Variants in TMEM51 observed in about 807,000 individuals in gnomAD.
The protein encoded by TMEM51 is transmembrane protein 51.
In TMEM51, 8 loss-of-function variants were observed where a neutral mutation model predicts 13.6. That is an observed-to-expected ratio of 0.59 (90% confidence interval 0.35 to 1.07). TMEM51 has a LOEUF of 1.07. TMEM51 is among the 50% of genes least tolerant of loss of function. The pLI is 0.02. For synonymous variants in TMEM51, 147 were observed against 144.4 expected, an observed-to-expected ratio of 1.02 and a Z score of -0.13; for missense variants, 279 against 330.7, an observed-to-expected ratio of 0.84 and a Z score of 1.21.
intron 1 of TMEM51, among the ~76,000 whole-genome samples, chr1:15,203,803 G>A (rs1457562438): frequency 1.3e-5 from 2 of 152,152 alleles, no homozygotes; most frequent in East Asian, 1.9e-4. Context: ...TAAACCCAGT[G>A]AGGTAGATCC....
At chr1:15,197,334 C>T (rs541805388) in intron 1 of TMEM51, among the ~76,000 whole-genome samples, 25 of 152,240 alleles carry the variant, frequency 1.6e-4, no homozygotes, top group Admixed American at 1.3e-3. Context: ...GGCACTGTTC[C>T]CAGCAGGTTA....
intron 1 of TMEM51, among the ~76,000 whole-genome samples, chr1:15,179,506 G>A (rs185456258): frequency 1.3e-5 from 2 of 152,330 alleles, no homozygotes; most frequent in East Asian, 3.9e-4. Context: ...ACTTTTGGCC[G>A]GTGCAATAGC....
chr1:15,197,683 G>A lies in TMEM51; in HGVS notation c.-266-12807G>A, dbSNP rs528881743. Among the ~76,000 whole-genome samples, 5 of 152,108 alleles carry A rather than the reference G, an allele frequency of 3.3e-5. No homozygotes were observed. In the East Asian group the frequency reaches 7.7e-4, roughly 24 times the overall value. ...GCTCTGTGTACTCTCTTGTCGGGAT[G>A]GTATCATTGTTGCCATTTTACAGAT... On this transcript the variant is annotated intron_variant, in intron 1 of 3. Coordinates refer to ENST00000376008, the MANE Select transcript of TMEM51 (RefSeq NM_001136218.2).
rs1643715745 is a variant in TMEM51 at position 15,184,584 on chromosome 1, A to G, written c.-266-25906A>G. On this transcript the variant is annotated intron_variant, in intron 1 of 3. Coordinates refer to ENST00000376008, the MANE Select transcript of TMEM51 (RefSeq NM_001136218.2). The stretch of plus-strand genomic sequence containing the variant: ...CTAGGGCCAGGGCAGCTGCAGAGAG[A>G]CCAGGTTGGAAACTGATATCGTTGT... 2.6e-5 allele frequency among the ~76,000 whole-genome samples: 4 copies of G among 152,222 alleles called. No individual in the cohort carries two copies. In the South Asian group the frequency reaches 6.2e-4, roughly 24 times the overall value.
Position 15,213,185 on chromosome 1 carries a change from C to T in TMEM51, c.-193-1710C>T, listed in dbSNP as rs58927461. ...CCTTAACTTGCTCACTGCTGTTTCT[C>T]CAGTGCCTAACTCGCTACTTAGGAG... is the stretch of plus-strand genomic sequence containing the variant. On this transcript the variant is annotated intron_variant, in intron 2 of 3. Transcript: ENST00000376008. 3.6e-3 allele frequency among the ~76,000 whole-genome samples: 545 copies of T among 152,318 alleles called. 4 individuals carry two copies. The highest frequency in any genetic ancestry group is 0.013 in the African/African-American group (521 of 41,560).
chr1:15,176,209 A>AT (rs1419341440), intron 1 of TMEM51, among the ~76,000 whole-genome samples: 2 of 152,172 alleles, frequency 1.3e-5, no homozygotes, highest in Non-Finnish European at 2.9e-5. Flanking sequence ...GTCAACAGAG[A>AT]TTTGTTGAGG....
intron 1 of TMEM51, among the ~76,000 whole-genome samples, chr1:15,166,090 G>T (rs1308417994): frequency 1.3e-5 from 2 of 152,122 alleles, no homozygotes; most frequent in Non-Finnish European, 2.9e-5. Context: ...GGGGGGTTTC[G>T]ATATTCTTTC....
At position 15,220,253 on chromosome 1, in the gene TMEM51, G is replaced by A. The variant is rs1388295075; in HGVS notation, c.*510G>A. 3.2e-5 allele frequency: 5 copies of A among 157,584 alleles called. No individual in the cohort carries two copies. In the South Asian group the frequency reaches 5.7e-4, roughly 18 times the overall value. 9.8% of individuals were successfully genotyped at this position (157,584 alleles called of 1,614,324 possible). The stretch of plus-strand genomic sequence containing the variant: ...TTATGAACTAAGCGGTGAGGCTCAG[G>A]TGGCGGCTCTCGCAGAGCCCCTGAT... On this transcript the variant is annotated 3_prime_UTR_variant, in exon 4 of 4. Coordinates refer to ENST00000376008, the MANE Select transcript of TMEM51 (RefSeq NM_001136218.2).
chr1:15,199,015 G>A (rs1266480950), intron 1 of TMEM51, among the ~76,000 whole-genome samples: 3 of 152,158 alleles, frequency 2.0e-5, no homozygotes, highest in South Asian at 2.1e-4. Flanking sequence ...CTGTGAAATC[G>A]TTTTCCAGCA....
intron 1 of TMEM51, among the ~76,000 whole-genome samples, chr1:15,177,513 G>C (rs1185196743): frequency 6.6e-6 from 1 of 152,154 alleles, no homozygotes; most frequent in Non-Finnish European, 1.5e-5. Flanking sequence ...AGAGGACACA[G>C]ACTGAGAACA....
At chr1:15,155,287 G>A (rs765176493) in intron 1 of TMEM51, among the ~76,000 whole-genome samples, 50 of 152,188 alleles carry the variant, frequency 3.3e-4, no homozygotes, top group Non-Finnish European at 6.0e-4. Context: ...AAGCCTCAGG[G>A]AGCCCCCAGC....
chr1:15,194,817 T>C (rs1300155126), intron 1 of TMEM51, among the ~76,000 whole-genome samples: 1 of 152,078 alleles, frequency 6.6e-6, no homozygotes, highest in African/African-American at 2.4e-5. Context: ...ACCTTACGTT[T>C]TTCAGCCAGC....
chr1:15,166,609 C>T (rs938542751), intron 1 of TMEM51, among the ~76,000 whole-genome samples: 9 of 152,018 alleles, frequency 5.9e-5, no homozygotes, highest in South Asian at 2.1e-4. Context: ...ATCCCAGATA[C>T]TCAGGAGGCT....
intron 1 of TMEM51, chr1:15,192,350 C>A: frequency 2.6e-6 from 1 of 382,572 alleles, no homozygotes; most frequent in South Asian, 2.5e-5. Context: ...AACACCAACC[C>A]TCTCCAGAAC....
Position 15,219,984 on chromosome 1 carries a change from C to T in TMEM51, c.*241C>T. 1 of 544,840 alleles carries T rather than the reference C, an allele frequency of 1.8e-6. No individual in the cohort carries two copies. 33.8% of individuals were successfully genotyped at this position (544,840 alleles called of 1,614,324 possible). ...TTGGAGCTGGTGAATCTGTGGACCA[C>T]ATTCAAGGGTGTGGCACAGGCATCT... On this transcript the variant is annotated 3_prime_UTR_variant, in exon 4 of 4. Coordinates refer to ENST00000376008, the MANE Select transcript of TMEM51 (RefSeq NM_001136218.2).
At chr1:15,173,595 T>C (rs1643366296) in intron 1 of TMEM51, among the ~76,000 whole-genome samples, 2 of 151,868 alleles carry the variant, frequency 1.3e-5, no homozygotes, top group African/African-American at 2.4e-5. Flanking sequence ...GTCTTTAGAG[T>C]CTCAGTTCAT....
At chr1:15,189,211 T>TC (rs1269102724) in intron 1 of TMEM51, among the ~76,000 whole-genome samples, 2 of 137,860 alleles carry the variant, frequency 1.5e-5, no homozygotes, top group Non-Finnish European at 3.1e-5. Flanking sequence ...AGCTAATTTT[T>TC]CCTTTTTTTT....
chr1:15,192,033 A>T (rs141690353), intron 1 of TMEM51: 1 of 529,788 alleles, frequency 1.9e-6, no homozygotes, highest in African/African-American at 1.9e-5. Flanking sequence ...TTGAAATGCC[A>T]TACGTGATGT....
At chr1:15,156,226 A>G (rs963728457) in intron 1 of TMEM51, among the ~76,000 whole-genome samples, 5 of 152,106 alleles carry the variant, frequency 3.3e-5, no homozygotes, top group African/African-American at 1.2e-4. Flanking sequence ...CTGGCTCCAG[A>G]TGTCACGAGG....
Sources: allele counts gnomAD v4.1 joint callset (sites outside exome capture counted in the v4.1 genomes callset), GRCh38; gene constraint gnomAD v4.1.1; transcripts MANE v1.5; gene names NCBI Gene and HGNC (gene_info 2026-07-23, HGNC 2026-07-21).